MED23: variants seen among roughly 807,000 people sequenced by gnomAD.
The protein encoded by MED23 is mediator of RNA polymerase II transcription subunit 23.
In MED23, 105 loss-of-function variants were observed where a neutral mutation model predicts 163.9. That is an observed-to-expected ratio of 0.64 (90% CI 0.55 to 0.75). The LOEUF (loss-of-function observed/expected upper bound fraction) is 0.75. MED23 is among the 30% of genes least tolerant of loss of function. The probability of loss-of-function intolerance (pLI) is 0.00; values close to 1 mark genes in which losing one functional copy is unlikely to be tolerated. For synonymous variants in MED23, 561 were observed against 565.6 expected, an observed-to-expected ratio of 0.99 and a Z score of 0.12; for missense variants, 1,054 against 1,649.0, an observed-to-expected ratio of 0.64 and a Z score of 6.25.
At chr6:131,595,459 C>T (rs1251016815) in intron 22 of MED23, among the ~76,000 whole-genome samples, 1 of 152,206 alleles carries the variant, frequency 6.6e-6, no homozygotes, top group African/African-American at 2.4e-5. Context: ...TGATTATTAT[C>T]TGCAATTACA....
chr6:131,604,405 T>G lies in MED23; in HGVS notation c.1614-85A>C. On this transcript the variant is annotated intron_variant, in intron 14 of 28. Transcript: ENST00000368068. ...TACTCTACTTAGAAGTAACTTAGTA[T>G]AAATCTGAACTTAAATGATTCAAAT... 3 of 1,389,150 alleles carry G rather than the reference T, an allele frequency of 2.2e-6. No individual in the cohort carries two copies. In the South Asian group the frequency reaches 3.6e-5, roughly 17 times the overall value. The allele number at this position is 1,389,150 out of a possible 1,614,324, so 86.1% of individuals were successfully genotyped here.
intron 5 of MED23, 105 bp from the exon 6 acceptor site, chr6:131,622,084 T>A: frequency 1.3e-6 from 1 of 744,452 alleles, no homozygotes; most frequent in Non-Finnish European, 2.3e-6. Context: ...GTCACACCTT[T>A]AAATTTTCTG....
In MED23 at chr6:131,627,685, A is replaced by AAAC. The variant is rs1554258458; in HGVS notation, c.40-14_40-13insGTT. 7.5e-6 allele frequency: 12 copies of AAAC among 1,602,590 alleles called. No homozygotes were observed. The highest frequency in any genetic ancestry group is 1.7e-4 in the Middle Eastern group (1 of 6,020). ...TAACTTCCGTTTTCTGTAAAAAAAAAAAAAACAAAATGTAAACAATGTTAA... is the reference window on the plus strand; with the variant it reads ...TAACTTCCGTTTTCTGTAAAAAAAAAAACAAAAACAAAATGTAAACAATGTTAA... On this transcript the variant is annotated splice_polypyrimidine_tract_variant and intron_variant, in intron 1 of 28. Coordinates refer to ENST00000368068, the MANE Select transcript of MED23 (RefSeq NM_004830.4).
intron 13 of MED23, 131 bp downstream of exon 13, chr6:131,606,347 CA>C (rs1411025517): frequency 2.4e-6 from 2 of 821,550 alleles, no homozygotes; most frequent in Non-Finnish European, 4.0e-6. Flanking sequence ...ACATATACAT[CA>C]AGTATTTGCC....
intron 28 of MED23, among the ~76,000 whole-genome samples, chr6:131,588,600 G>C (rs1774347258): frequency 6.6e-6 from 1 of 152,166 alleles, no homozygotes; most frequent in African/African-American, 2.4e-5. Context: ...TTACATGAGA[G>C]AGAACAGGTC....
chr6:131,619,934 G>A lies in MED23; in HGVS notation c.598-38C>T, dbSNP rs188247890. 51 of 1,359,596 alleles carry A rather than the reference G, an allele frequency of 3.8e-5. No individual in the cohort carries two copies. In the African/African-American group the frequency reaches 5.7e-4, roughly 15 times the overall value. 84.2% of individuals were successfully genotyped at this position (1,359,596 alleles called of 1,614,324 possible). Reference sequence around the variant, plus strand: ...AGAAAGAGGGAAGTCAAATAAATACGTACAAAAGGAAAATTGAGACTGCCC... The same window carrying A: ...AGAAAGAGGGAAGTCAAATAAATACATACAAAAGGAAAATTGAGACTGCCC... On this transcript the variant is annotated intron_variant, in intron 7 of 28. Coordinates refer to ENST00000368068, the MANE Select transcript of MED23 (RefSeq NM_004830.4).
chr6:131,584,816 T>TACACAC (rs59196638), downstream of MED23, among the ~76,000 whole-genome samples: 834 of 134,126 alleles, frequency 6.2e-3, 5 homozygotes, highest in South Asian at 0.017. Context: ...CTACAAAAAA[T>TACACAC]ACACACACAC....
At chr6:131,604,985 G>GA (rs1185716340) in intron 14 of MED23, among the ~76,000 whole-genome samples, 9 of 151,576 alleles carry the variant, frequency 5.9e-5, no homozygotes, top group Admixed American at 5.3e-4. Context: ...TATAAAAAAT[G>GA]AAAAAAAATG....
At position 131,587,366 on chromosome 6, in the gene MED23, A is replaced by T; in HGVS notation, c.*313T>A. On this transcript the variant is annotated 3_prime_UTR_variant, in exon 29 of 29. Transcript: ENST00000368068. ...AATACAAACAAAAACAACGGCTAGA[A>T]TAGGAAAGACTGAAAGTGCCAATGA... 1 of 1,175,316 alleles carries T rather than the reference A, an allele frequency of 8.5e-7. No homozygotes were observed. The highest frequency in any genetic ancestry group is 1.1e-6 in the Non-Finnish European group (1 of 949,224). 72.8% of individuals were successfully genotyped at this position (1,175,316 alleles called of 1,614,324 possible). A position where few individuals can be genotyped will look rare whatever the true frequency, so the allele number is the denominator to read the frequency against.
At chr6:131,582,869 A>G (rs1337212551), downstream of MED23, among the ~76,000 whole-genome samples, 5 of 152,154 alleles carry the variant, frequency 3.3e-5, no homozygotes, top group African/African-American at 1.2e-4. Context: ...GTACATACAT[A>G]TGTATGTATC....
chr6:131,587,522 T>C lies in MED23; in HGVS notation c.*157A>G. 2.0e-6 allele frequency: 3 copies of C among 1,486,412 alleles called. 1 individual carries two copies. In the African/African-American group the frequency reaches 4.2e-5, roughly 21 times the overall value. The allele number at this position is 1,486,412 out of a possible 1,614,324, so 92.1% of individuals were successfully genotyped here. A position where few individuals can be genotyped will look rare whatever the true frequency, so the allele number is the denominator to read the frequency against. On this transcript the variant is annotated 3_prime_UTR_variant, in exon 29 of 29. Coordinates refer to ENST00000368068, the MANE Select transcript of MED23 (RefSeq NM_004830.4). ...AGATAGGGAGATGGGAGTTATAAGG[T>C]GTCAACAGATTCATCATTTGAATCA...
In MED23 at chr6:131,579,112, G is replaced by A; in HGVS notation, c.4096-4817C>T. On this transcript the variant is annotated intron_variant, in intron 30 of 30. Transcript: ENST00000354577. ...TAACTCAAAACTTTTTAATTTTAGAGTGTGATGTGAAGGATTATGGGGACC... is the reference window on the plus strand; with the variant it reads ...TAACTCAAAACTTTTTAATTTTAGAATGTGATGTGAAGGATTATGGGGACC... The A allele has an allele frequency of 6.2e-7, 1 of 1,614,068 alleles. No individual in the cohort carries two copies.
At chr6:131,615,297 A>G in intron 10 of MED23, 2 of 1,609,326 alleles carry the variant, frequency 1.2e-6, no homozygotes, top group South Asian at 1.1e-5. Context: ...CGTTAGTCAC[A>G]ATACAACAGT....
intron 24 of MED23, 177 bp downstream of exon 24, chr6:131,592,829 G>C: frequency 1.3e-6 from 1 of 751,510 alleles, no homozygotes; most frequent in Non-Finnish European, 2.2e-6. Context: ...TTAGGATCCT[G>C]TCCAGGGCTC....
At chr6:131,574,278 G>T (rs761201274) in exon 31 of MED23, 1 of 1,613,956 alleles carries the variant, frequency 6.2e-7, no homozygotes, top group South Asian at 1.1e-5. Flanking sequence ...AACCCTTGCT[G>T]TGTACTCTGA....
intron 10 of MED23, 95 bp from the exon 11 acceptor site, chr6:131,610,341 G>C: frequency 8.3e-7 from 1 of 1,200,294 alleles, no homozygotes; most frequent in Non-Finnish European, 1.2e-6. Flanking sequence ...AAGAGGCTGA[G>C]AAGCACGGAA....
intron 28 of MED23, 50 bp downstream of exon 28, chr6:131,589,415 A>C (rs1347317417): frequency 6.5e-7 from 1 of 1,537,638 alleles, no homozygotes; most frequent in Non-Finnish European, 8.9e-7. Flanking sequence ...TATATGTTCA[A>C]GTTTTCTAAA....
intron 3 of MED23, 35 bp from the exon 4 acceptor site, chr6:131,625,024 A>G: frequency 6.2e-7 from 1 of 1,609,110 alleles, no homozygotes; most frequent in South Asian, 1.1e-5. Context: ...CTTGGGGTCT[A>G]AAGTTACATT....
At chr6:131,615,337 A>G (rs759444026) in intron 10 of MED23, 2 of 1,611,838 alleles carry the variant, frequency 1.2e-6, no homozygotes, top group East Asian at 2.2e-5. Flanking sequence ...AGCAATGTTC[A>G]AGGTCTAGAG....
Sources: allele counts gnomAD v4.1 joint callset (sites outside exome capture counted in the v4.1 genomes callset), GRCh38; gene constraint gnomAD v4.1.1; transcripts MANE v1.5; gene names NCBI Gene and HGNC (gene_info 2026-07-23, HGNC 2026-07-21).